ROBO2: variants seen among roughly 807,000 people sequenced by gnomAD.
ROBO2 encodes roundabout guidance receptor 2, also known as roundabout homolog 2.
ROBO2 carries 53 observed loss-of-function variants against 160.8 expected under a neutral mutation model. That is an observed-to-expected ratio of 0.33 (90% CI 0.26 to 0.41). The LOEUF is 0.41. ROBO2 is among the 10% of genes least tolerant of loss of function. ROBO2 has a pLI of 1.00. For missense variants in ROBO2, 1,577 were observed against 1,722.4 expected (o/e 0.92, Z 1.49); for synonymous variants, 664 against 611.7 (o/e 1.09, Z -1.26).
chr3:76,985,066 G>C (rs6762989), intron 2 of ROBO2, among the ~76,000 whole-genome samples: 3 of 151,772 alleles, frequency 2.0e-5, no homozygotes, highest in African/African-American at 7.3e-5. Flanking sequence ...ATCTTAGTTT[G>C]TGTAGAAACA....
chr3:76,558,768 G>A (rs139067546), intron 2 of ROBO2, among the ~76,000 whole-genome samples: 51 of 152,118 alleles, frequency 3.4e-4, no homozygotes, highest in African/African-American at 7.0e-4. Context: ...TTGAACAATC[G>A]TTAGTATTAC....
At chr3:77,352,352 C>G (rs1009081171) in intron 2 of ROBO2, among the ~76,000 whole-genome samples, 7 of 152,048 alleles carry the variant, frequency 4.6e-5, no homozygotes, top group Non-Finnish European at 1.0e-4. Flanking sequence ...CTTTACAATT[C>G]GTGCATCATT....
At chr3:76,739,319 T>C (rs1404023351) in intron 2 of ROBO2, among the ~76,000 whole-genome samples, 1 of 152,178 alleles carries the variant, frequency 6.6e-6, no homozygotes, top group African/African-American at 2.4e-5. Flanking sequence ...GATGAGTTCA[T>C]GTCCTTTGTA....
At position 77,429,615 on chromosome 3, in the gene ROBO2, T is replaced by G. The variant is rs1177836570; in HGVS notation, c.389-47799T>G. 6.8e-5 allele frequency among the ~76,000 whole-genome samples: 5 copies of G among 73,190 alleles called. No individual in the cohort carries two copies. In the South Asian group the frequency reaches 1.3e-3, roughly 19 times the overall value. The allele number at this position is 73,190 out of a possible 152,430, so 48.0% of individuals were successfully genotyped here. The stretch of plus-strand genomic sequence containing the variant: ...AATTGCTCATGTAAAAAGCAGGGTT[T>G]TTTTTTTTTTTTTAAATGCACTCAG... On this transcript the variant is annotated intron_variant, in intron 2 of 25. Transcript: ENST00000461745.
At chr3:76,865,373 A>C (rs150104222) in intron 2 of ROBO2, among the ~76,000 whole-genome samples, 251 of 152,244 alleles carry the variant, frequency 1.6e-3, no homozygotes, top group Non-Finnish European at 2.7e-3. Context: ...AAGAGCATCA[A>C]ATAACTGTCC....
intron 2 of ROBO2, among the ~76,000 whole-genome samples, chr3:76,716,714 A>C (rs1405223585): frequency 6.6e-6 from 1 of 152,140 alleles, no homozygotes; most frequent in Non-Finnish European, 1.5e-5. Context: ...GAAACAGTTG[A>C]GCTATCATGT....
intron 2 of ROBO2, among the ~76,000 whole-genome samples, chr3:76,016,337 A>G (rs893120244): frequency 6.6e-6 from 1 of 152,030 alleles, no homozygotes; most frequent in Non-Finnish European, 1.5e-5. Context: ...TAAACTTGAT[A>G]TTTAAAGTCT....
At chr3:76,961,891 C>A (rs1390508919) in intron 2 of ROBO2, among the ~76,000 whole-genome samples, 1 of 152,120 alleles carries the variant, frequency 6.6e-6, no homozygotes, top group Admixed American at 6.5e-5. Flanking sequence ...TCTTTGTCAA[C>A]ATAACTCGAT....
At chr3:76,323,039 G>A (rs1224896540) in intron 2 of ROBO2, among the ~76,000 whole-genome samples, 4 of 151,686 alleles carry the variant, frequency 2.6e-5, no homozygotes, top group Admixed American at 2.0e-4. Flanking sequence ...GAACAAACAA[G>A]GTCATATATG....
intron 2 of ROBO2, among the ~76,000 whole-genome samples, chr3:77,289,220 G>C (rs927625189): frequency 3.3e-5 from 5 of 152,128 alleles, no homozygotes; most frequent in African/African-American, 1.2e-4. Flanking sequence ...GTTAATAGCA[G>C]TTTTTAGCCA....
intron 2 of ROBO2, among the ~76,000 whole-genome samples, chr3:77,375,578 C>G (rs1486377491): frequency 6.6e-6 from 1 of 152,112 alleles, no homozygotes; most frequent in Non-Finnish European, 1.5e-5. Flanking sequence ...AAGTTTAACC[C>G]TTTAGACTTT....
intron 2 of ROBO2, among the ~76,000 whole-genome samples, chr3:77,119,213 C>A (rs2074503149): frequency 6.6e-6 from 1 of 152,170 alleles, no homozygotes; most frequent in African/African-American, 2.4e-5. Context: ...AACAGTGAGT[C>A]AATTAAACCT....
chr3:76,418,064 T>C, intron 2 of ROBO2, among the ~76,000 whole-genome samples: 1 of 151,874 alleles, frequency 6.6e-6, no homozygotes, highest in East Asian at 2.0e-4. Context: ...GCTTAAATTG[T>C]AAACAGGCAA....
intron 2 of ROBO2, among the ~76,000 whole-genome samples, chr3:77,286,256 C>CTTTTT (rs10663209): frequency 1.0e-4 from 12 of 119,854 alleles, no homozygotes; most frequent in African/African-American, 2.9e-4. Flanking sequence ...AATTATGGAG[C>CTTTTT]TTTTTTTTTT....
chr3:76,213,705 T>A (rs890296377), intron 2 of ROBO2, among the ~76,000 whole-genome samples: 2 of 152,184 alleles, frequency 1.3e-5, no homozygotes, highest in Admixed American at 1.3e-4. Context: ...GTTTTTGTGG[T>A]GTAAAGTCAA....
chr3:76,813,225 G>A (rs1036769657), intron 2 of ROBO2, among the ~76,000 whole-genome samples: 6 of 151,940 alleles, frequency 3.9e-5, no homozygotes, highest in Admixed American at 2.0e-4. Context: ...CATTTTCCAT[G>A]TTTAAATAAC....
chr3:76,640,777 G>T (rs1184709881), intron 2 of ROBO2, among the ~76,000 whole-genome samples: 1 of 151,954 alleles, frequency 6.6e-6, no homozygotes, highest in Non-Finnish European at 1.5e-5. Flanking sequence ...TCTGGAGTTG[G>T]AGCAGGCAAA....
At chr3:77,236,355 G>A (rs370675966) in intron 2 of ROBO2, among the ~76,000 whole-genome samples, 2 of 152,132 alleles carry the variant, frequency 1.3e-5, no homozygotes, top group African/African-American at 4.8e-5. Flanking sequence ...GAGAACAGAC[G>A]GTAAATGTTC....
chr3:77,244,914 G>T (rs1447186763), intron 2 of ROBO2, among the ~76,000 whole-genome samples: 1 of 143,336 alleles, frequency 7.0e-6, no homozygotes, highest in African/African-American at 2.6e-5. Flanking sequence ...GAAAAGAAAA[G>T]AAAATCCCAA....
Sources: gnomAD v4.1 joint callset for allele counts (sites outside exome capture counted in the v4.1 genomes callset) on GRCh38, gnomAD v4.1.1 for gene constraint, MANE v1.5 for transcripts, NCBI Gene and HGNC (gene_info 2026-07-23, HGNC 2026-07-21) for gene names.